Variants in SPTBN1 observed in about 807,000 individuals in gnomAD.
SPTBN1 encodes spectrin beta chain, non-erythrocytic 1.
In SPTBN1, 32 loss-of-function variants were observed where a neutral mutation model predicts 266.4. The ratio of observed to expected loss-of-function variants is 0.12; its 90% confidence interval spans 0.09 to 0.16. SPTBN1 has a LOEUF of 0.16. Among genes scored for constraint, SPTBN1 ranks in the 10% least tolerant of loss-of-function variants. SPTBN1 has a pLI of 1.00. For synonymous variants in SPTBN1, 1,336 were observed against 1,162.2 expected (o/e 1.15, Z -3.04); for missense variants, 2,296 against 3,067.1 (o/e 0.75, Z 5.94).
intron 2 of SPTBN1, among the ~76,000 whole-genome samples, chr2:54,562,469 A>G (rs75654600): frequency 0.025 from 3,775 of 150,310 alleles, 144 homozygotes; most frequent in African/African-American, 0.081. Flanking sequence ...TATCTTCTAC[A>G]TTTTGCCTCA....
chr2:54,644,050 T>TG (rs1679759313), intron 19 of SPTBN1, among the ~76,000 whole-genome samples: 1 of 152,116 alleles, frequency 6.6e-6, no homozygotes. Flanking sequence ...ATGGAGGAGA[T>TG]AAAGTCACGT....
Position 54,577,724 on chromosome 2 carries a change from GAGCCAGGATTCCAACCCACGC to G in SPTBN1, c.149-21365_149-21345del, listed in dbSNP as rs1674588200. Among the ~76,000 whole-genome samples, 2 of 152,200 alleles carry G rather than the reference GAGCCAGGATTCCAACCCACGC, an allele frequency of 1.3e-5. 1 individual carries two copies. Among genetic ancestry groups the G allele is most frequent in the South Asian group, 4.1e-4 (2 of 4,834 alleles). On this transcript the variant is annotated intron_variant, in intron 2 of 35. Transcript: ENST00000356805. ...CCCAAGGACACTTAACTAGTAAATG[GAGCCAGGATTCCAACCCACGC>G]AGTGCGCTTTGGGACTCAATTTTTA...
intron 2 of SPTBN1, among the ~76,000 whole-genome samples, chr2:54,545,908 T>C (rs1672209881): frequency 6.6e-6 from 1 of 152,166 alleles, no homozygotes; most frequent in Non-Finnish European, 1.5e-5. Context: ...GTGTACACAG[T>C]GAGACACAGA....
At chr2:54,532,435 A>G (rs746226091) in intron 2 of SPTBN1, among the ~76,000 whole-genome samples, 2 of 152,252 alleles carry the variant, frequency 1.3e-5, no homozygotes, top group Non-Finnish European at 1.5e-5. Context: ...TACATTTTTT[A>G]TACTACGTCT....
chr2:54,562,855 G>C (rs922664190), intron 2 of SPTBN1, among the ~76,000 whole-genome samples: 10 of 151,944 alleles, frequency 6.6e-5, no homozygotes, highest in African/African-American at 2.4e-4. Context: ...ACTGCACCCG[G>C]CCTAGAAATG....
chr2:54,668,515 GGACAAAGAGAAA>G lies in SPTBN1; in HGVS notation c.7053_7064del (p.Asp2352_Lys2355del), dbSNP rs1412921518. The G allele has an allele frequency of 1.4e-5, 22 of 1,614,178 alleles. No individual in the cohort carries two copies. Among genetic ancestry groups the G allele is most frequent in the Middle Eastern group, 1.6e-4 (1 of 6,062 alleles). On this transcript the variant is annotated inframe_deletion, in exon 36 of 36. Coordinates refer to ENST00000356805, the MANE Select transcript of SPTBN1 (RefSeq NM_003128.3). ...AGTCCAGTCCCGGCAAGCGGGAAAA[GGACAAAGAGAAA>G]GACAAAGAGAAGCGGTTCAGCCTTT...
chr2:54,632,326 G>A lies in SPTBN1; in HGVS notation c.3565-240G>A, dbSNP rs1678804931. 2.6e-5 allele frequency among the ~76,000 whole-genome samples: 4 copies of A among 152,054 alleles called. No individual in the cohort carries two copies. The South Asian group carries it at 8.3e-4, about 31-fold the overall frequency. ...CTTGAGGCTGATACACAAAGCTTTG[G>A]TTCCTTTCCTCACTCTCTTTGGAAA... On this transcript the variant is annotated intron_variant, in intron 16 of 35. Transcript: ENST00000356805.
chr2:54,650,014 T>A (rs1310502069), intron 26 of SPTBN1, 25 bp downstream of exon 26: 9 of 1,581,766 alleles, frequency 5.7e-6, no homozygotes, highest in Non-Finnish European at 7.7e-6. Flanking sequence ...CACCCAGGGG[T>A]GCTGGGGAGG....
intron 3 of SPTBN1, among the ~76,000 whole-genome samples, chr2:54,606,438 C>A (rs752936852): frequency 6.6e-6 from 1 of 152,176 alleles, no homozygotes; most frequent in Non-Finnish European, 1.5e-5. Flanking sequence ...CTGGACCACT[C>A]ACTATCTCAC....
At chr2:54,606,890 C>G (rs964741390) in intron 3 of SPTBN1, among the ~76,000 whole-genome samples, 2 of 152,214 alleles carry the variant, frequency 1.3e-5, no homozygotes, top group African/African-American at 4.8e-5. Context: ...ACAGCACTTG[C>G]AGAATCAGAG....
At chr2:54,475,201 C>T (rs1237535460) in intron 1 of SPTBN1, among the ~76,000 whole-genome samples, 3 of 151,824 alleles carry the variant, frequency 2.0e-5, no homozygotes, top group African/African-American at 4.8e-5. Context: ...AGCGAAACTC[C>T]GTCTCAAAAA....
intron 2 of SPTBN1, among the ~76,000 whole-genome samples, chr2:54,564,948 A>G (rs1673567233): frequency 6.6e-6 from 1 of 152,236 alleles, no homozygotes; most frequent in African/African-American, 2.4e-5. Context: ...TTTGCTAAAG[A>G]GCAAAATTAA....
intron 2 of SPTBN1, among the ~76,000 whole-genome samples, chr2:54,547,835 C>T (rs1672335729): frequency 6.6e-6 from 1 of 152,178 alleles, no homozygotes. Flanking sequence ...TCTCTTCATT[C>T]TTCACCTGTC....
rs1331452285 is a variant in SPTBN1 at position 54,629,669 on chromosome 2, C to A, written c.2535C>A (p.Leu845=). 6.2e-7 allele frequency: 1 copy of A among 1,613,832 alleles called. No individual in the cohort carries two copies. The highest frequency in any genetic ancestry group is 2.2e-5 in the East Asian group (1 of 44,878). The change falls in exon 14 of 36, where the codon CTC becomes CTA. Residue 845 remains leucine, a synonymous_variant. Coordinates refer to ENST00000356805, the MANE Select transcript of SPTBN1 (RefSeq NM_003128.3). The part of the protein sequence containing the change: ...AELTRLRKQA[L]QDTLALYKMF... ...TGACGCGGCTGCGGAAGCAGGCACTCCAGGACACTCTGGCCCTGTACAAGA... is the reference window on the plus strand; with the variant it reads ...TGACGCGGCTGCGGAAGCAGGCACTACAGGACACTCTGGCCCTGTACAAGA...
chr2:54,595,214 T>C (rs1383521705), intron 2 of SPTBN1, among the ~76,000 whole-genome samples: 4 of 152,236 alleles, frequency 2.6e-5, no homozygotes, highest in African/African-American at 9.6e-5. Flanking sequence ...TACAACACTC[T>C]GGGCACTTTG....
chr2:54,517,867 A>G (rs1573316544), intron 1 of SPTBN1, among the ~76,000 whole-genome samples: 1 of 151,502 alleles, frequency 6.6e-6, no homozygotes, highest in Non-Finnish European at 1.5e-5. Flanking sequence ...GCTGGTCTCG[A>G]GCTCCTGACC....
chr2:54,598,261 G>A (rs1676236410), intron 2 of SPTBN1, among the ~76,000 whole-genome samples: 2 of 152,188 alleles, frequency 1.3e-5, no homozygotes, highest in Non-Finnish European at 2.9e-5. Context: ...TCACGCTTTA[G>A]ACCATAAATC....
intron 1 of SPTBN1, among the ~76,000 whole-genome samples, chr2:54,467,520 G>A (rs1200281145): frequency 1.3e-5 from 2 of 151,982 alleles, no homozygotes; most frequent in Non-Finnish European, 2.9e-5. Flanking sequence ...TCAGCCTCCC[G>A]AGTAGCTGGC....
intron 2 of SPTBN1, among the ~76,000 whole-genome samples, chr2:54,544,758 A>G (rs1174719309): frequency 2.0e-5 from 3 of 152,208 alleles, no homozygotes; most frequent in Admixed American, 6.5e-5. Flanking sequence ...TTTAAAAAGG[A>G]GTAAACTTTT....
Sources: allele counts gnomAD v4.1 joint callset (sites outside exome capture counted in the v4.1 genomes callset), GRCh38; gene constraint gnomAD v4.1.1; transcripts MANE v1.5; gene names NCBI Gene and HGNC (gene_info 2026-07-23, HGNC 2026-07-21).